The following ARHGAP35 variants were observed in gnomAD, a reference collection of about 807,000 sequenced individuals.
ARHGAP35 encodes Rho GTPase activating protein 35, also known as rho GTPase-activating protein 35.
ARHGAP35 carries 15 observed loss-of-function variants against 111.1 expected under a neutral mutation model. The ratio of observed to expected loss-of-function variants is 0.13; its 90% CI spans 0.09 to 0.21. ARHGAP35 has a LOEUF of 0.21. ARHGAP35 is among the 10% of genes least tolerant of loss of function. ARHGAP35 has a pLI of 1.00. For synonymous variants in ARHGAP35, 643 were observed against 710.3 expected (o/e 0.91, Z 1.51); for missense variants, 1,262 against 1,873.0 (o/e 0.67, Z 6.02).
chr19:46,956,419 CTTTTT>C (rs1276748702), intron 3 of ARHGAP35, among the ~76,000 whole-genome samples: 1 of 138,814 alleles, frequency 7.2e-6, no homozygotes, highest in Admixed American at 7.2e-5. Context: ...CCCAAGATAT[CTTTTT>C]TTTTTTTTTT....
intron 3 of ARHGAP35, among the ~76,000 whole-genome samples, chr19:46,944,213 C>T (rs1223592773): frequency 6.6e-6 from 1 of 151,094 alleles, no homozygotes; most frequent in Admixed American, 6.6e-5. Flanking sequence ...GTAGGAGGAT[C>T]GCTTGAGCCC....
At chr19:46,981,006 T>A (rs1341276302) in intron 3 of ARHGAP35, among the ~76,000 whole-genome samples, 1 of 152,218 alleles carries the variant, frequency 6.6e-6, no homozygotes. Context: ...CCCTTTGATC[T>A]TCCATTGAGG....
intron 3 of ARHGAP35, among the ~76,000 whole-genome samples, chr19:46,961,972 G>T (rs1294522616): frequency 1.3e-5 from 2 of 151,812 alleles, no homozygotes; most frequent in Non-Finnish European, 2.9e-5. Context: ...GAAAGAGAAA[G>T]AGAGAAAGGA....
chr19:46,999,430 G>A lies in ARHGAP35; in HGVS notation c.4142+21G>A. ...AACAAGTAAGTCGCAGGGCCTTCTG[G>A]TTGGTTTTTCCTCCTGAAAATTGAC... On this transcript the variant is annotated intron_variant, in intron 6 of 6. Coordinates refer to ENST00000672722, the MANE Select transcript of ARHGAP35 (RefSeq NM_004491.5). This position sits in a 1 kb window ranked among gnomAD's most constrained non-coding sequence, Gnocchi z 5.4. The A allele has an allele frequency of 6.6e-7, 1 of 1,521,406 alleles. No homozygotes were observed. Among genetic ancestry groups the A allele is most frequent in the East Asian group, 2.4e-5 (1 of 41,480 alleles). The allele number at this position is 1,521,406 out of a possible 1,614,324, so 94.2% of individuals were successfully genotyped here.
chr19:46,864,826 G>A (rs2055846747), intron 1 of ARHGAP35, among the ~76,000 whole-genome samples: 1 of 152,172 alleles, frequency 6.6e-6, no homozygotes, highest in Non-Finnish European at 1.5e-5. Flanking sequence ...TAGAGTTTGT[G>A]TTACCCATGT....
At chr19:46,953,106 G>A (rs1217607272) in intron 3 of ARHGAP35, among the ~76,000 whole-genome samples, 1 of 152,210 alleles carries the variant, frequency 6.6e-6, no homozygotes, top group African/African-American at 2.4e-5. Flanking sequence ...CTTATACTAT[G>A]TGCCATGCAC....
Position 46,900,445 on chromosome 19 carries a change from T to C in ARHGAP35, c.-188-18043T>C, listed in dbSNP as rs142149575. ...CCTGTTGGCCAGGCTGGTCTCGAAC[T>C]CGTGGCCTCAAGTGATCCGCCCACC... On this transcript the variant is annotated intron_variant, in intron 1 of 6. Transcript: ENST00000672722. 2.0e-3 allele frequency among the ~76,000 whole-genome samples: 300 copies of C among 152,328 alleles called. 2 individuals are homozygous for C. Among genetic ancestry groups the C allele is most frequent in the African/African-American group, 6.9e-3 (286 of 41,574 alleles).
intron 1 of ARHGAP35, among the ~76,000 whole-genome samples, chr19:46,864,304 C>G (rs2055844356): frequency 6.6e-6 from 1 of 152,188 alleles, no homozygotes; most frequent in Non-Finnish European, 1.5e-5. Flanking sequence ...TACAGAAAAT[C>G]TGTCCAACCA....
intron 1 of ARHGAP35, among the ~76,000 whole-genome samples, chr19:46,861,844 C>T (rs1279460009): frequency 6.6e-6 from 1 of 152,086 alleles, no homozygotes; most frequent in Non-Finnish European, 1.5e-5. Flanking sequence ...CCATCTGAGA[C>T]CCCTGTTCGG....
chr19:46,978,941 CTG>C (rs1215062613), intron 3 of ARHGAP35, among the ~76,000 whole-genome samples: 2 of 42,524 alleles, frequency 4.7e-5, no homozygotes, highest in Non-Finnish European at 4.4e-5. Flanking sequence ...GTGTGGTGGG[CTG>C]TGTGTGTGTG....
intron 3 of ARHGAP35, among the ~76,000 whole-genome samples, chr19:46,959,199 G>A (rs1025724182): frequency 2.6e-5 from 4 of 151,782 alleles, no homozygotes; most frequent in African/African-American, 9.7e-5. Context: ...TCCCAGGTAG[G>A]GGCTACAGGC....
At chr19:46,969,497 C>T (rs1189091530) in intron 3 of ARHGAP35, among the ~76,000 whole-genome samples, 1 of 152,106 alleles carries the variant, frequency 6.6e-6, no homozygotes, top group Non-Finnish European at 1.5e-5. Flanking sequence ...TACACTCTGT[C>T]GGACTGCTTG....
intron 1 of ARHGAP35, among the ~76,000 whole-genome samples, chr19:46,903,060 T>C (rs1285658153): frequency 6.6e-6 from 1 of 152,134 alleles, no homozygotes; most frequent in Non-Finnish European, 1.5e-5. Context: ...AAGCTAAGGC[T>C]CTGACAGGCT....
intron 1 of ARHGAP35, among the ~76,000 whole-genome samples, chr19:46,916,646 ATT>A (rs59214975): frequency 1.3e-5 from 2 of 151,410 alleles, no homozygotes; most frequent in African/African-American, 4.9e-5. Flanking sequence ...TACACACTTA[ATT>A]TTTTTTTATT....
In ARHGAP35 at chr19:46,937,422, C is replaced by T. The variant is rs1599833194; in HGVS notation, c.3826+14C>T. 6.2e-7 allele frequency: 1 copy of T among 1,613,302 alleles called. No homozygotes were observed. Among genetic ancestry groups the T allele is most frequent in the Non-Finnish European group, 8.5e-7 (1 of 1,179,364 alleles). On this transcript the variant is annotated intron_variant, in intron 3 of 6. Transcript: ENST00000672722. The stretch of plus-strand genomic sequence containing the variant: ...TTGAAGCCACAGGTAAGAGTATTAC[C>T]TCATAGCAGTTTATAACTTTCACTG...
intron 1 of ARHGAP35, among the ~76,000 whole-genome samples, chr19:46,870,288 C>T (rs1410532317): frequency 6.6e-6 from 1 of 150,632 alleles, no homozygotes; most frequent in Non-Finnish European, 1.5e-5. Flanking sequence ...TAAGAAATTT[C>T]TTCTTCTGGG....
At chr19:46,924,761 T>A (rs2056228847) in intron 2 of ARHGAP35, among the ~76,000 whole-genome samples, 1 of 152,244 alleles carries the variant, frequency 6.6e-6, no homozygotes, top group Non-Finnish European at 1.5e-5. Flanking sequence ...AGCTTAAAAA[T>A]GCTGACAGTC....
chr19:46,953,758 C>T (rs751979469), intron 3 of ARHGAP35, among the ~76,000 whole-genome samples: 1 of 152,196 alleles, frequency 6.6e-6, no homozygotes, highest in South Asian at 2.1e-4. Context: ...CAGGTTGGAG[C>T]CCAGCTGGAA....
intron 1 of ARHGAP35, among the ~76,000 whole-genome samples, chr19:46,905,516 C>T (rs2056102252): frequency 1.3e-5 from 2 of 151,272 alleles, no homozygotes; most frequent in Admixed American, 1.3e-4. Context: ...GTTGGGACTA[C>T]AGGCGCCTGC....
Sources: gnomAD v4.1 joint callset for allele counts (sites outside exome capture counted in the v4.1 genomes callset) on GRCh38, gnomAD v4.1.1 for gene constraint, Gnocchi (gnomAD v3.1) non-coding constraint, MANE v1.5 for transcripts, NCBI Gene and HGNC (gene_info 2026-07-23, HGNC 2026-07-21) for gene names.